The following EVL variants were observed in gnomAD, a reference collection of about 807,000 sequenced individuals.
EVL encodes Enah/Vasp-like.
EVL carries 21 observed loss-of-function variants against 59.6 expected under a neutral mutation model. That is an observed-to-expected ratio of 0.35 (90% CI 0.25 to 0.51). The LOEUF (loss-of-function observed/expected upper bound fraction) is 0.51. EVL is among the 20% of genes least tolerant of loss of function. EVL has a pLI of 0.97. For missense variants in EVL, 462 were observed against 546.6 expected, an observed-to-expected ratio of 0.85 and a Z score of 1.54; for synonymous variants, 198 against 203.5, an observed-to-expected ratio of 0.97 and a Z score of 0.23.
intron 1 of EVL, among the ~76,000 whole-genome samples, chr14:99,995,003 TAG>T (rs2060903777): frequency 6.6e-6 from 1 of 152,244 alleles, no homozygotes; most frequent in African/African-American, 2.4e-5. Context: ...GATTCCTACT[TAG>T]AAATTATTTG....
chr14:100,054,684 A>G (rs2061699168), intron 1 of EVL, among the ~76,000 whole-genome samples: 2 of 152,088 alleles, frequency 1.3e-5, no homozygotes, highest in Admixed American at 1.3e-4. Context: ...AAGCCCCAGT[A>G]AGGGCTGTGG....
intron 4 of EVL, among the ~76,000 whole-genome samples, chr14:100,123,857 G>A (rs530505709): frequency 6.6e-5 from 10 of 152,304 alleles, no homozygotes; most frequent in East Asian, 1.9e-4. Context: ...GACCTCCAGC[G>A]GGACGGCTCT....
Position 100,137,806 on chromosome 14 carries a change from C to T in EVL, c.1094+4C>T, listed in dbSNP as rs2140402862. Reference sequence around the variant, plus strand: ...TTCAGTCGCAGCCTCACTCTAGGTACCGAACAACCCTCCTGCTCACATGTC... The same window carrying T: ...TTCAGTCGCAGCCTCACTCTAGGTATCGAACAACCCTCCTGCTCACATGTC... On this transcript the variant is annotated splice_donor_region_variant and intron_variant, in intron 11 of 13. Transcript: ENST00000392920. 6.2e-7 allele frequency: 1 copy of T among 1,614,008 alleles called. No homozygotes were observed. The highest frequency in any genetic ancestry group is 8.5e-7 in the Non-Finnish European group (1 of 1,179,960).
Position 99,977,640 on chromosome 14 carries a change from T to C in EVL, c.5+5583T>C, listed in dbSNP as rs547776822. 3.3e-5 allele frequency among the ~76,000 whole-genome samples: 5 copies of C among 152,206 alleles called. No individual in the cohort carries two copies. The East Asian group carries it at 9.8e-4, about 30-fold the overall frequency. On this transcript the variant is annotated intron_variant, in intron 1 of 13. Coordinates refer to the EVL transcript ENST00000402714. ...TAGTAGAGACGGGGTTTCCCTGTGTTGGCCAGGCTGGTCTCAGACTCCTGA... is the reference window on the plus strand; with the variant it reads ...TAGTAGAGACGGGGTTTCCCTGTGTCGGCCAGGCTGGTCTCAGACTCCTGA...
At position 100,022,269 on chromosome 14, in the gene EVL, T is replaced by G. The variant is rs74583763; in HGVS notation, c.5+50212T>G. On this transcript the variant is annotated intron_variant, in intron 1 of 13. Transcript: ENST00000402714. ...CTGAGAGCAGAAGGAAGGGCCACATTCTTGGTTTGTTTTTTTTTTTTTTTT... is the reference window on the plus strand; with the variant it reads ...CTGAGAGCAGAAGGAAGGGCCACATGCTTGGTTTGTTTTTTTTTTTTTTTT... Among the ~76,000 whole-genome samples the G allele has an allele frequency of 6.4e-3, 963 of 150,230 alleles. 7 individuals are homozygous for G. The highest frequency in any genetic ancestry group is 0.022 in the African/African-American group (914 of 40,914).
At chr14:100,048,854 T>C (rs1357747956) in intron 1 of EVL, among the ~76,000 whole-genome samples, 1 of 152,232 alleles carries the variant, frequency 6.6e-6, no homozygotes, top group African/African-American at 2.4e-5. Flanking sequence ...ATGTTACACG[T>C]TGTATGATTC....
chr14:99,975,562 G>A (rs1250342631), intron 1 of EVL, among the ~76,000 whole-genome samples: 1 of 152,170 alleles, frequency 6.6e-6, no homozygotes, highest in Non-Finnish European at 1.5e-5. Context: ...GGGGTTAGGG[G>A]GGTAGTTTCC....
At chr14:100,038,631 G>T (rs958031859) in intron 1 of EVL, among the ~76,000 whole-genome samples, 4 of 152,088 alleles carry the variant, frequency 2.6e-5, no homozygotes, top group Non-Finnish European at 5.9e-5. Flanking sequence ...ATTATTAACT[G>T]CTCATAATAA....
At position 100,016,503 on chromosome 14, in the gene EVL, T is replaced by C. The variant is rs184282806; in HGVS notation, c.5+44446T>C. On this transcript the variant is annotated intron_variant, in intron 1 of 13. Coordinates refer to the EVL transcript ENST00000402714. Reference sequence around the variant, plus strand: ...GAGATTGCGCCACTGCACTGCAGCTTGGCGATGGAGCAAGACTCCGGCTCA... The same window carrying C: ...GAGATTGCGCCACTGCACTGCAGCTCGGCGATGGAGCAAGACTCCGGCTCA... 1.6e-4 allele frequency among the ~76,000 whole-genome samples: 25 copies of C among 152,274 alleles called. No homozygotes were observed. The East Asian group carries it at 4.4e-3, about 27-fold the overall frequency.
chr14:100,077,063 T>C (rs796144277), intron 1 of EVL, among the ~76,000 whole-genome samples: 36 of 152,304 alleles, frequency 2.4e-4, no homozygotes, highest in African/African-American at 8.4e-4. Context: ...TGAGGTCATA[T>C]AGCTGGTAAG....
intron 1 of EVL, among the ~76,000 whole-genome samples, chr14:100,023,338 G>A (rs1009575578): frequency 6.7e-6 from 1 of 149,446 alleles, no homozygotes; most frequent in African/African-American, 2.5e-5. Flanking sequence ...CTGAGCAGCT[G>A]GGATTACAAG....
chr14:100,141,094 GC>G, intron 11 of EVL, 85 bp from the exon 12 acceptor site: 1 of 1,370,080 alleles, frequency 7.3e-7, no homozygotes. Context: ...GAGCAGGTGG[GC>G]CCAGCCTGAG....
intron 1 of EVL, among the ~76,000 whole-genome samples, chr14:100,037,414 G>A (rs554931919): frequency 6.6e-6 from 1 of 152,126 alleles, no homozygotes; most frequent in Non-Finnish European, 1.5e-5. Context: ...ATTCCCCCAG[G>A]TAGAGTTAAT....
rs112069716 is a variant in EVL, at chr14:100,144,171, T to C, written c.*433T>C. 45 of 196,420 alleles carry C rather than the reference T, an allele frequency of 2.3e-4. No individual in the cohort carries two copies. The highest frequency in any genetic ancestry group is 1.0e-3 in the African/African-American group (43 of 42,540). 12.2% of individuals were successfully genotyped at this position (196,420 alleles called of 1,614,324 possible). On this transcript the variant is annotated 3_prime_UTR_variant, in exon 14 of 14. Coordinates refer to ENST00000392920, the MANE Select transcript of EVL (RefSeq NM_016337.3). ...AGCTCCGTCCCCAGCGCTCATGGTG[T>C]TGAAACTGTCTGTCATGCACCACGG... is the stretch of plus-strand genomic sequence containing the variant.
intron 1 of EVL, among the ~76,000 whole-genome samples, chr14:100,075,810 C>T (rs1411175587): frequency 6.6e-6 from 1 of 152,236 alleles, no homozygotes; most frequent in Non-Finnish European, 1.5e-5. Context: ...TGGTCACCCT[C>T]ATGTCTTGCC....
chr14:100,110,278 G>A (rs369830760), intron 3 of EVL, among the ~76,000 whole-genome samples: 57 of 152,254 alleles, frequency 3.7e-4, no homozygotes, highest in African/African-American at 1.0e-3. Context: ...GGAGGCTGGG[G>A]TAGCAGAATT....
intron 3 of EVL, chr14:100,106,875 A>G: frequency 2.5e-6 from 1 of 398,616 alleles, no homozygotes; most frequent in Non-Finnish European, 4.4e-6. Flanking sequence ...GGCCCAAACC[A>G]CTTCCTGATA....
At chr14:100,131,563 C>G (rs1888437311) in intron 7 of EVL, among the ~76,000 whole-genome samples, 1 of 152,218 alleles carries the variant, frequency 6.6e-6, no homozygotes, top group Admixed American at 6.5e-5. Context: ...GCAGCACTTT[C>G]ACAGACACTC....
chr14:100,005,669 A>ACACACC (rs1491230019), intron 1 of EVL, among the ~76,000 whole-genome samples: 1 of 142,270 alleles, frequency 7.0e-6, no homozygotes, highest in African/African-American at 2.7e-5. Context: ...ACACACACAC[A>ACACACC]CCCCTTGGAT....
Sources: allele counts gnomAD v4.1 joint callset (sites outside exome capture counted in the v4.1 genomes callset), GRCh38; gene constraint gnomAD v4.1.1; transcripts MANE v1.5; gene names NCBI Gene and HGNC (gene_info 2026-07-23, HGNC 2026-07-21).